HVCN1: variants seen among roughly 807,000 people sequenced by gnomAD.
The protein encoded by HVCN1 is hydrogen voltage gated channel 1.
A neutral mutation model predicts 29.2 loss-of-function variants in HVCN1; 14 were observed. The ratio of observed to expected loss-of-function variants is 0.48; its 90% confidence interval spans 0.32 to 0.75. HVCN1 has a LOEUF of 0.75. Among genes scored for constraint, HVCN1 ranks in the 30% least tolerant of loss-of-function variants. HVCN1 has a pLI of 0.04. For synonymous variants in HVCN1, 131 were observed against 133.2 expected (o/e 0.98, Z 0.11); for missense variants, 263 against 341.8 (o/e 0.77, Z 1.82).
At chr12:110,690,488 C>CT (rs906892011), upstream of HVCN1, among the ~76,000 whole-genome samples, 13 of 151,894 alleles carry the variant, frequency 8.6e-5, no homozygotes, top group African/African-American at 2.2e-4. Context: ...TTTCTTTTTT[C>CT]TTTTTTTTGG....
At chr12:110,655,409 G>A in intron 4 of HVCN1, 71 bp from the exon 5 acceptor site, 2 of 1,235,860 alleles carry the variant, frequency 1.6e-6, no homozygotes, top group South Asian at 2.4e-5. Context: ...ATCATTAAGA[G>A]CTGGCTTGGA....
rs886674857 is a variant in HVCN1, at chr12:110,676,277, T to G, written c.21+6948A>C. On this transcript the variant is annotated intron_variant, in intron 3 of 7. Coordinates refer to ENST00000242607, the MANE Select transcript of HVCN1 (RefSeq NM_032369.4). This position sits in a 1 kb window ranked among gnomAD's most constrained non-coding sequence, Gnocchi z 4.1. ...CTTGGAGGCTGTCGCAGCTCCTCTCTGCTCTCTCCTTCCCTGCTGCATTCT... is the reference window on the plus strand; with the variant it reads ...CTTGGAGGCTGTCGCAGCTCCTCTCGGCTCTCTCCTTCCCTGCTGCATTCT... Among the ~76,000 whole-genome samples the G allele has an allele frequency of 2.6e-5, 4 of 152,232 alleles. No individual in the cohort carries two copies. Among genetic ancestry groups the G allele is most frequent in the African/African-American group, 9.6e-5 (4 of 41,458 alleles).
chr12:110,699,071 T>A (rs920380512), intron 2 of HVCN1, among the ~76,000 whole-genome samples: 4 of 152,338 alleles, frequency 2.6e-5, no homozygotes, highest in Admixed American at 2.0e-4. Context: ...GAGGTTGCAG[T>A]GAGCTGAGAT....
At chr12:110,670,808 T>C (rs1262272042) in intron 3 of HVCN1, among the ~76,000 whole-genome samples, 2 of 152,116 alleles carry the variant, frequency 1.3e-5, no homozygotes, top group Non-Finnish European at 2.9e-5. Context: ...ATTTGGAATG[T>C]AGGTCTTTGC....
intron 3 of HVCN1, among the ~76,000 whole-genome samples, chr12:110,664,383 A>T (rs2068276026): frequency 6.6e-6 from 1 of 152,240 alleles, no homozygotes. Flanking sequence ...TGGAAGAATA[A>T]GAACAATGTC....
In HVCN1 at chr12:110,650,212, A is replaced by G. The variant is rs1435432091; in HGVS notation, c.712T>C (p.Leu238=). ...LLRLKQMNVQ[L]AAKIQHLEFS... ...TCAAGGTGTTGAATCTTGGCGGCCA[A>G]TTGTACATTCATCTGTTTTAACCTT... Residue 238 remains leucine (L), a synonymous_variant, in exon 7 of 8, where the codon TTG becomes CTG. Transcript: ENST00000242607. 1.2e-6 allele frequency: 2 copies of G among 1,613,650 alleles called. No individual in the cohort carries two copies. The highest frequency in any genetic ancestry group is 1.3e-5 in the African/African-American group (1 of 75,024).
At position 110,650,207 on chromosome 12, in the gene HVCN1, G is replaced by A. The variant is rs745994015; in HGVS notation, c.717C>T (p.Ala239=). 24 of 1,613,246 alleles carry A rather than the reference G, an allele frequency of 1.5e-5. No homozygotes were observed. Among genetic ancestry groups the A allele is most frequent in the South Asian group, 8.8e-5 (8 of 91,060 alleles). ...TGAACTCAAGGTGTTGAATCTTGGC[G>A]GCCAATTGTACATTCATCTGTTTTA... ...LRLKQMNVQL[A]AKIQHLEFSC... Residue 239 remains alanine (A), a synonymous_variant, in exon 7 of 8, where the codon GCC becomes GCT. Transcript: ENST00000242607.
At chr12:110,685,981 C>T (rs758237161) in intron 2 of HVCN1, among the ~76,000 whole-genome samples, 1 of 151,772 alleles carries the variant, frequency 6.6e-6, no homozygotes, top group Non-Finnish European at 1.5e-5. Context: ...TGCACCTGAT[C>T]CCTCTATGTA....
At chr12:110,654,078 A>C (rs1296131936) in intron 5 of HVCN1, among the ~76,000 whole-genome samples, 2 of 152,178 alleles carry the variant, frequency 1.3e-5, no homozygotes, top group African/African-American at 4.8e-5. Flanking sequence ...GCCATTTTTC[A>C]TAAAAAGTTG....
chr12:110,680,126 A>C (rs56327628), intron 3 of HVCN1, among the ~76,000 whole-genome samples: 19,299 of 152,234 alleles, frequency 0.13, 1,657 homozygotes, highest in African/African-American at 0.24. Flanking sequence ...GATCATGAAA[A>C]GGAACATGTT....
Position 110,676,737 on chromosome 12 carries a change from T to C in HVCN1, c.21+6488A>G, listed in dbSNP as rs2068762288. Among the ~76,000 whole-genome samples the C allele has an allele frequency of 6.6e-6, 1 of 152,098 alleles. No individual in the cohort carries two copies. On this transcript the variant is annotated intron_variant, in intron 3 of 7. Coordinates refer to ENST00000242607, the MANE Select transcript of HVCN1 (RefSeq NM_032369.4). This position sits in a 1 kb window ranked among gnomAD's most constrained non-coding sequence, Gnocchi z 4.1. ...CCCAGGAGAGGGCTCTGGAAGCTTG[T>C]GCCAGGTTTTTTCTGAACTTCACCC... is the stretch of plus-strand genomic sequence containing the variant.
At chr12:110,684,457 CCT>C (rs1359750190) in intron 2 of HVCN1, among the ~76,000 whole-genome samples, 1 of 152,178 alleles carries the variant, frequency 6.6e-6, no homozygotes, top group African/African-American at 2.4e-5. Flanking sequence ...AGTGAATGCA[CCT>C]CTGAGCAGCA....
chr12:110,661,594 T>C lies in HVCN1; in HGVS notation c.22-146A>G. ...AGCAGAGACCATGAGGTCACGGTGG[T>C]TTCTCGTGCTTTTATTTTTGGAATC... On this transcript the variant is annotated intron_variant, in intron 3 of 7. Transcript: ENST00000242607. This position sits in a 1 kb window ranked among gnomAD's most constrained non-coding sequence, Gnocchi z 6.2. 1 of 696,890 alleles carries C rather than the reference T, an allele frequency of 1.4e-6. No individual in the cohort carries two copies. The highest frequency in any genetic ancestry group is 2.7e-5 in the East Asian group (1 of 36,772). 43.2% of individuals were successfully genotyped at this position (696,890 alleles called of 1,614,324 possible).
chr12:110,657,426 C>T lies in HVCN1; in HGVS notation c.307-2088G>A, dbSNP rs1593447347. Among the ~76,000 whole-genome samples, 4 of 148,978 alleles carry T rather than the reference C, an allele frequency of 2.7e-5. No individual in the cohort carries two copies. The East Asian group carries it at 6.0e-4, about 22-fold the overall frequency. On this transcript the variant is annotated intron_variant, in intron 4 of 7. Transcript: ENST00000242607. ...AGGAGAATCGCTTCAACCTGGGAGG[C>T]GGAGGTTGCAGTGAGCCGAGATCGC... is the stretch of plus-strand genomic sequence containing the variant.
chr12:110,660,839 A>G (rs2068144632), intron 4 of HVCN1, among the ~76,000 whole-genome samples: 2 of 152,236 alleles, frequency 1.3e-5, no homozygotes, highest in African/African-American at 4.8e-5. Flanking sequence ...TTCAAGGTTC[A>G]TCCACATTGT....
chr12:110,661,737 C>T lies in HVCN1; in HGVS notation c.22-289G>A, dbSNP rs2068181111. On this transcript the variant is annotated intron_variant, in intron 3 of 7. Coordinates refer to ENST00000242607, the MANE Select transcript of HVCN1 (RefSeq NM_032369.4). This position sits in a 1 kb window ranked among gnomAD's most constrained non-coding sequence, Gnocchi z 6.2. ...CTGCAGCCCGGTCCCAAAACACCCG[C>T]CACGGGCCCATGTGTGAATACCGGA... 6.6e-6 allele frequency among the ~76,000 whole-genome samples: 1 copy of T among 152,210 alleles called. No individual in the cohort carries two copies. The highest frequency in any genetic ancestry group is 2.4e-5 in the African/African-American group (1 of 41,458).
upstream of HVCN1, among the ~76,000 whole-genome samples, chr12:110,694,235 A>G (rs1289810081): frequency 6.6e-6 from 1 of 151,872 alleles, no homozygotes; most frequent in African/African-American, 2.4e-5. This position sits in a 1 kb window ranked among gnomAD's most constrained non-coding sequence, Gnocchi z 4.6. Context: ...GCTAATTTTT[A>G]TTTTTTTGTG....
chr12:110,662,029 A>G (rs1237947959), intron 3 of HVCN1, among the ~76,000 whole-genome samples: 1 of 152,366 alleles, frequency 6.6e-6, no homozygotes, highest in African/African-American at 2.4e-5. Flanking sequence ...TTGCCCTACC[A>G]GGTATCAAAT....
At chr12:110,669,597 AC>A (rs2068501443) in intron 3 of HVCN1, among the ~76,000 whole-genome samples, 3 of 152,038 alleles carry the variant, frequency 2.0e-5, no homozygotes, top group Admixed American at 2.0e-4. Context: ...CAGGTCTTAC[AC>A]CTAGATTTTA....
Sources: gnomAD v4.1 joint callset for allele counts (sites outside exome capture counted in the v4.1 genomes callset) on GRCh38, gnomAD v4.1.1 for gene constraint, Gnocchi (gnomAD v3.1) non-coding constraint, MANE v1.5 for transcripts, NCBI Gene and HGNC (gene_info 2026-07-23, HGNC 2026-07-21) for gene names.